SUN3: variants seen among roughly 807,000 people sequenced by gnomAD.
SUN3 encodes the protein SUN domain-containing protein 3.
In SUN3, 36 loss-of-function variants were observed where a neutral mutation model predicts 48.2. That is an observed-to-expected ratio of 0.75 (90% CI 0.57 to 0.99). The LOEUF (loss-of-function observed/expected upper bound fraction) is 0.99, where lower values mean the gene tolerates loss of function less well. Among genes scored for constraint, SUN3 ranks in the 50% least tolerant of loss-of-function variants. The probability of loss-of-function intolerance (pLI) is 0.00; values close to 1 mark genes in which losing one functional copy is unlikely to be tolerated. For synonymous variants in SUN3, 148 were observed against 147.9 expected (o/e 1.00, Z 0.00); for missense variants, 419 against 433.1 (o/e 0.97, Z 0.29).
At chr7:48,017,145 T>A in intron 3 of SUN3, 117 bp downstream of exon 3, 2 of 611,468 alleles carry the variant, frequency 3.3e-6, no homozygotes, top group Non-Finnish European at 5.6e-6. Flanking sequence ...ATTTCCTACA[T>A]TAATTTTATT....
At chr7:48,015,417 AG>A (rs1377371889) in intron 3 of SUN3, among the ~76,000 whole-genome samples, 1 of 152,126 alleles carries the variant, frequency 6.6e-6, no homozygotes, top group African/African-American at 2.4e-5. Context: ...ACCTCCAGGG[AG>A]GCTTCCTCAC....
intron 3 of SUN3, among the ~76,000 whole-genome samples, chr7:48,012,602 C>T (rs1005063107): frequency 1.3e-5 from 2 of 152,148 alleles, no homozygotes; most frequent in African/African-American, 4.8e-5. Context: ...ATAGTGATTG[C>T]AGACTGTGCC....
At chr7:48,005,319 C>T (rs553829849) in intron 6 of SUN3, among the ~76,000 whole-genome samples, 1 of 152,198 alleles carries the variant, frequency 6.6e-6, no homozygotes, top group Non-Finnish European at 1.5e-5. Context: ...AGTAATCATG[C>T]TGTTCCAAAT....
chr7:48,021,231 C>T (rs1789985951), intron 2 of SUN3, among the ~76,000 whole-genome samples: 1 of 152,120 alleles, frequency 6.6e-6, no homozygotes, highest in Non-Finnish European at 1.5e-5. Flanking sequence ...AACTAGACCC[C>T]TATCTCCTGC....
At chr7:48,026,969 T>C (rs1283698011) in intron 1 of SUN3, among the ~76,000 whole-genome samples, 1 of 152,158 alleles carries the variant, frequency 6.6e-6, no homozygotes, top group Non-Finnish European at 1.5e-5. Flanking sequence ...ACCAAGCCCA[T>C]CAGAAGCCCA....
intron 4 of SUN3, 59 bp from the exon 5 acceptor site, chr7:48,007,386 G>A: frequency 6.5e-7 from 1 of 1,534,752 alleles, no homozygotes; most frequent in Non-Finnish European, 8.9e-7. Context: ...GTTATCAGCT[G>A]TTGCTGGGCT....
At chr7:48,017,174 C>A in intron 3 of SUN3, 88 bp downstream of exon 3, 1 of 660,696 alleles carries the variant, frequency 1.5e-6, no homozygotes, top group Non-Finnish European at 2.6e-6. Flanking sequence ...TCATATAAAA[C>A]AAAGATAACA....
chr7:47,990,924 A>G (rs1250562440), intron 8 of SUN3: 2 of 399,670 alleles, frequency 5.0e-6, no homozygotes, highest in East Asian at 8.4e-5. Flanking sequence ...CACAAAGCGG[A>G]GCAACAGACA....
At chr7:48,023,535 T>C (rs1246411042) in intron 2 of SUN3, among the ~76,000 whole-genome samples, 1 of 152,014 alleles carries the variant, frequency 6.6e-6, no homozygotes, top group Non-Finnish European at 1.5e-5. Context: ...AGGTATAAGA[T>C]ATAGATTTTC....
Position 48,006,030 on chromosome 7 carries a change from A to G in SUN3, c.516T>C (p.Tyr172=), listed in dbSNP as rs2128776062. ...GGTCTTCTCTCAACTTTTTAAGTACATAATTGACCAAGTTTGACACTTCCT... is the reference window on the plus strand; with the variant it reads ...GGTCTTCTCTCAACTTTTTAAGTACGTAATTGACCAAGTTTGACACTTCCT... The part of the protein sequence containing the change: ...HTEEVSNLVN[Y]VLKKLREDQV... The change falls in exon 6 of 10, where the codon TAT becomes TAC. Residue 172 remains tyrosine, a synonymous_variant. Transcript: ENST00000297325. 1 of 1,612,016 alleles carries G rather than the reference A, an allele frequency of 6.2e-7. No individual in the cohort carries two copies. Among genetic ancestry groups the G allele is most frequent in the Non-Finnish European group, 8.5e-7 (1 of 1,178,938 alleles).
chr7:48,026,565 T>C (rs143764822), intron 1 of SUN3, among the ~76,000 whole-genome samples: 3,036 of 143,238 alleles, frequency 0.021, 90 homozygotes, highest in African/African-American at 0.077. Context: ...GTGGACTGAA[T>C]TGCACCCCAC....
intron 6 of SUN3, among the ~76,000 whole-genome samples, chr7:47,998,138 G>T (rs1481129022): frequency 6.6e-6 from 1 of 152,172 alleles, no homozygotes; most frequent in African/African-American, 2.4e-5. Flanking sequence ...AACTTCATAA[G>T]AAATTGTCAA....
intron 3 of SUN3, among the ~76,000 whole-genome samples, chr7:48,010,180 A>G (rs1789645814): frequency 6.6e-6 from 1 of 152,186 alleles, no homozygotes; most frequent in Admixed American, 6.5e-5. Context: ...TCACATATGC[A>G]CACATGCACA....
rs530350897 is a variant in SUN3, at chr7:48,003,401, G to A, written c.577+2568C>T. On this transcript the variant is annotated intron_variant, in intron 6 of 9. Coordinates refer to ENST00000297325, the MANE Select transcript of SUN3 (RefSeq NM_001030019.2). The stretch of plus-strand genomic sequence containing the variant: ...CTTAGGATTGCCCTTGCTATTTTTG[G>A]TTTCATATGAATTTTAAAATAGTTT... 2.0e-3 allele frequency among the ~76,000 whole-genome samples: 307 copies of A among 152,158 alleles called. 6 individuals carry two copies. The highest frequency in any genetic ancestry group is 0.015 in the Admixed American group (235 of 15,280).
At chr7:48,005,740 G>C (rs1421227507) in intron 6 of SUN3, among the ~76,000 whole-genome samples, 3 of 151,810 alleles carry the variant, frequency 2.0e-5, no homozygotes, top group Middle Eastern at 3.4e-3. Context: ...GGTTCTTTTA[G>C]ATGCATGTTA....
chr7:47,988,350 G>T (rs1788957270), intron 9 of SUN3, among the ~76,000 whole-genome samples: 1 of 152,156 alleles, frequency 6.6e-6, no homozygotes, highest in African/African-American at 2.4e-5. Context: ...CTCCCACTGG[G>T]TTAGGAGTTT....
intron 6 of SUN3, among the ~76,000 whole-genome samples, chr7:48,000,945 C>T (rs1011795607): frequency 8.6e-5 from 13 of 151,372 alleles, no homozygotes; most frequent in African/African-American, 3.2e-4. Flanking sequence ...CTTCATCTCC[C>T]TCTGAGACTA....
At chr7:48,024,709 AG>A (rs112804341) in intron 2 of SUN3, among the ~76,000 whole-genome samples, 4,471 of 152,254 alleles carry the variant, frequency 0.029, 222 homozygotes, top group African/African-American at 0.1. Context: ...TGGAAGGCAA[AG>A]GAGGAGCCAG....
At chr7:48,021,284 T>C (rs968909060) in intron 2 of SUN3, among the ~76,000 whole-genome samples, 1 of 152,118 alleles carries the variant, frequency 6.6e-6, no homozygotes, top group African/African-American at 2.4e-5. Flanking sequence ...GGCTTAAATC[T>C]AAGACTTTAG....
Sources: allele counts gnomAD v4.1 joint callset (sites outside exome capture counted in the v4.1 genomes callset), GRCh38; gene constraint gnomAD v4.1.1; transcripts MANE v1.5; gene names NCBI Gene and HGNC (gene_info 2026-07-23, HGNC 2026-07-21).